The following NPHP3 variants were observed in gnomAD, a reference collection of about 807,000 sequenced individuals.
NPHP3 encodes the protein nephrocystin 3, also known as nephrocystin-3.
NPHP3 carries 123 observed loss-of-function variants against 171.9 expected under a neutral mutation model. The observed-to-expected ratio is 0.72, with a 90% CI of 0.62 to 0.83. NPHP3 has a LOEUF of 0.83. Ranked by LOEUF, NPHP3 falls within the 40% of genes least tolerant of loss-of-function variation. The pLI, the probability that NPHP3 is intolerant of heterozygous loss-of-function variation, is 0.00. For synonymous variants in NPHP3, 558 were observed against 579.2 expected, an observed-to-expected ratio of 0.96 and a Z score of 0.52; for missense variants, 1,506 against 1,591.9, an observed-to-expected ratio of 0.95 and a Z score of 0.92.
At chr3:132,703,579 C>CTTT (rs747062922) in intron 9 of NPHP3, among the ~76,000 whole-genome samples, 2 of 131,018 alleles carry the variant, frequency 1.5e-5, no homozygotes, top group Admixed American at 7.8e-5. Context: ...TTCTTTCTTT[C>CTTT]TTTTTTTTTT....
intron 6 of NPHP3, among the ~76,000 whole-genome samples, chr3:132,711,576 G>A (rs979657966): frequency 6.6e-6 from 1 of 151,924 alleles, no homozygotes; most frequent in Non-Finnish European, 1.5e-5. Context: ...TTGTTTGTTT[G>A]TTTTTGAGAC....
In NPHP3 at chr3:132,719,800, G is replaced by C; in HGVS notation, c.424C>G (p.Arg142Gly). Residue 142 changes from arginine (R) to glycine (G), a missense_variant, in exon 2 of 27, where the codon CGA becomes GGA. By Grantham distance (125) the Arg-to-Gly change is moderately radical. Coordinates refer to ENST00000337331, the MANE Select transcript of NPHP3 (RefSeq NM_153240.5). ...ALQKTYQKIL[R>G]EKESALEAKY... ...GCTTCTAAAGCACTTTCTTTTTCTCGAAGTATCTTCTGATACGTTTTTTGA... is the reference window on the plus strand; with the variant it reads ...GCTTCTAAAGCACTTTCTTTTTCTCCAAGTATCTTCTGATACGTTTTTTGA... 1 of 1,596,520 alleles carries C rather than the reference G, an allele frequency of 6.3e-7. No homozygotes were observed. Among genetic ancestry groups the C allele is most frequent in the Non-Finnish European group, 8.6e-7 (1 of 1,169,446 alleles).
intron 9 of NPHP3, among the ~76,000 whole-genome samples, chr3:132,703,983 A>G (rs1037423280): frequency 1.3e-5 from 2 of 152,226 alleles, no homozygotes; most frequent in African/African-American, 2.4e-5. Context: ...ATTCTAGTCC[A>G]TAACTAAAAA....
rs776481584 is a variant in NPHP3, at chr3:132,719,817, G to A, written c.407C>T (p.Thr136Met). The change falls in exon 2 of 27, where the codon ACG (threonine) becomes ATG (methionine). Residue 136 changes from threonine to methionine, a missense_variant. Transcript: ENST00000337331. Reference protein sequence around the residue: ...LRAELQALQKTYQKILREKES... With the variant: ...LRAELQALQKMYQKILREKES... ...TTTTTCTCGAAGTATCTTCTGATAC[G>A]TTTTTTGAAGTGCCTAGAATAATTT... The A allele has an allele frequency of 3.8e-6, 6 of 1,588,234 alleles. No homozygotes were observed. Among genetic ancestry groups the A allele is most frequent in the South Asian group, 3.4e-5 (3 of 87,404 alleles).
At chr3:132,698,127 G>A (rs1285037478) in intron 13 of NPHP3, among the ~76,000 whole-genome samples, 6 of 151,886 alleles carry the variant, frequency 4.0e-5, no homozygotes, top group Non-Finnish European at 8.8e-5. Context: ...GATTACAGGC[G>A]CCCACCACCA....
intron 15 of NPHP3, chr3:132,695,279 G>T (rs1158702726): frequency 4.1e-6 from 1 of 245,812 alleles, no homozygotes; most frequent in Non-Finnish European, 8.1e-6. Flanking sequence ...CCTACATACA[G>T]GAAGCAGGGA....
At chr3:132,692,939 A>T (rs1939337459) in intron 16 of NPHP3, 121 bp from the exon 17 acceptor site, 1 of 780,930 alleles carries the variant, frequency 1.3e-6, no homozygotes, top group Admixed American at 2.3e-5. Flanking sequence ...AATTCAAATG[A>T]TTTAATAAAT....
chr3:132,693,220 C>T, intron 16 of NPHP3: 1 of 192,670 alleles, frequency 5.2e-6, no homozygotes, highest in Non-Finnish European at 1.1e-5. Flanking sequence ...GGGAAATCCT[C>T]CAACTGCCAA....
At chr3:132,683,317 T>G in intron 25 of NPHP3, 82 bp downstream of exon 25, 2 of 1,199,222 alleles carry the variant, frequency 1.7e-6, no homozygotes, top group South Asian at 2.5e-5. Flanking sequence ...TTCTATTTAG[T>G]GTTCCCTATC....
intron 16 of NPHP3, among the ~76,000 whole-genome samples, chr3:132,694,163 G>C (rs765307506): frequency 6.6e-6 from 1 of 152,012 alleles, no homozygotes; most frequent in Admixed American, 6.6e-5. Flanking sequence ...TTATTTGTGA[G>C]CTTGATATTT....
chr3:132,720,310 T>A (rs1355412749), intron 1 of NPHP3, among the ~76,000 whole-genome samples: 2 of 152,110 alleles, frequency 1.3e-5, no homozygotes, highest in African/African-American at 4.8e-5. Context: ...TATGGATAAG[T>A]TTTTTCATGC....
At chr3:132,697,545 T>C (rs1939488296) in intron 13 of NPHP3, among the ~76,000 whole-genome samples, 183 bp from the exon 14 acceptor site, 4 of 152,200 alleles carry the variant, frequency 2.6e-5, no homozygotes, top group African/African-American at 9.7e-5. Context: ...ATGTGTATCA[T>C]TACTTTGAGC....
chr3:132,712,395 A>G, intron 6 of NPHP3: 1 of 456,766 alleles, frequency 2.2e-6, no homozygotes, highest in Non-Finnish European at 4.4e-6. Context: ...GATAGTAAAC[A>G]ACTCAGGTTT....
chr3:132,719,643 T>C (rs542447654), intron 2 of NPHP3, 62 bp downstream of exon 2: 1 of 1,098,364 alleles, frequency 9.1e-7, no homozygotes, highest in South Asian at 2.1e-5. Flanking sequence ...ATATTATATA[T>C]ACTTTTAGAA....
Position 132,722,293 on chromosome 3 carries a change from C to T in NPHP3, c.63G>A (p.Gly21=), listed in dbSNP as rs748314906. The change falls in exon 1 of 27, where the codon GGG becomes GGA. Residue 21 remains glycine (G), a synonymous_variant. Coordinates refer to ENST00000337331, the MANE Select transcript of NPHP3 (RefSeq NM_153240.5). Reference sequence around the variant, plus strand: ...TCTCGCAGGCCTCGCCGCCGCCCGCCCCGTACGTGTCCTCGATCACTTCCC... The same window carrying T: ...TCTCGCAGGCCTCGCCGCCGCCCGCTCCGTACGTGTCCTCGATCACTTCCC... ...AGGEVIEDTY[G]AGGGEACEIP... 11 of 1,580,190 alleles carry T rather than the reference C, an allele frequency of 7.0e-6. No individual in the cohort carries two copies. The African/African-American group carries it at 1.5e-4, about 22-fold the overall frequency.
chr3:132,704,951 C>T (rs1939707688), intron 8 of NPHP3, among the ~76,000 whole-genome samples: 9 of 152,138 alleles, frequency 5.9e-5, no homozygotes, highest in Admixed American at 5.9e-4. Flanking sequence ...TACTAGAGAG[C>T]ACCATACAAA....
chr3:132,699,711 T>C (rs1184004427), intron 12 of NPHP3, among the ~76,000 whole-genome samples: 1 of 152,138 alleles, frequency 6.6e-6, no homozygotes, highest in African/African-American at 2.4e-5. Context: ...ATTGTGTAAA[T>C]TCAGTTGGTC....
intron 21 of NPHP3, among the ~76,000 whole-genome samples, chr3:132,687,804 A>G (rs558351481): frequency 6.6e-6 from 1 of 152,346 alleles, no homozygotes; most frequent in Non-Finnish European, 1.5e-5. Context: ...TGCCTGATAG[A>G]TAAGAAAGAC....
intron 3 of NPHP3, chr3:132,717,148 C>G: frequency 2.2e-6 from 1 of 460,806 alleles, no homozygotes; most frequent in Non-Finnish European, 3.9e-6. Context: ...TGAAAATAAA[C>G]AAGAATACAA....
Sources: allele counts gnomAD v4.1 joint callset (sites outside exome capture counted in the v4.1 genomes callset), GRCh38; gene constraint gnomAD v4.1.1; transcripts MANE v1.5; gene names NCBI Gene and HGNC (gene_info 2026-07-23, HGNC 2026-07-21).